IL23R: variants seen among roughly 807,000 people sequenced by gnomAD.
IL23R encodes interleukin 23 receptor.
Under a neutral mutation model 56.9 loss-of-function variants are expected in IL23R, and 34 were observed. The ratio of observed to expected loss-of-function variants is 0.60; its 90% CI spans 0.45 to 0.80. The LOEUF (loss-of-function observed/expected upper bound fraction) is 0.80. Ranked by LOEUF, IL23R falls within the 30% of genes least tolerant of loss-of-function variation. IL23R has a pLI of 0.00. For synonymous variants in IL23R, 230 were observed against 249.2 expected (o/e 0.92, Z 0.73); for missense variants, 635 against 730.0 (o/e 0.87, Z 1.50).
At chr1:67,194,732 C>G (rs1476162642) in intron 4 of IL23R, among the ~76,000 whole-genome samples, 2 of 152,166 alleles carry the variant, frequency 1.3e-5, no homozygotes, top group African/African-American at 2.4e-5. Context: ...GTGGTTTTCT[C>G]TAACTGGAAA....
intron 7 of IL23R, among the ~76,000 whole-genome samples, chr1:67,233,759 T>G (rs1651267186): frequency 6.6e-6 from 1 of 152,082 alleles, no homozygotes. Context: ...CCTGTGAGAT[T>G]AATAGGCATA....
At position 67,259,376 on chromosome 1, in the gene IL23R, A is replaced by T. The variant is rs1460512658; in HGVS notation, c.*248A>T. ...GTAGTGACATTTCTGTGCTCCTACC[A>T]TCACCATGTAAGAATTCCCGGGAGC... On this transcript the variant is annotated 3_prime_UTR_variant, in exon 11 of 11. Transcript: ENST00000347310. 2.0e-6 allele frequency: 1 copy of T among 489,076 alleles called. No individual in the cohort carries two copies. The highest frequency in any genetic ancestry group is 3.5e-5 in the Admixed American group (1 of 28,922). The allele number at this position is 489,076 out of a possible 1,614,324, so 30.3% of individuals were successfully genotyped here.
rs539497366 is a variant in IL23R, at chr1:67,182,855, T to A, written c.387T>A (p.Asp129Glu). ...ISSGYPPDIPDEVTCVIYEYS... is the reference protein window; with the variant it reads ...ISSGYPPDIPEEVTCVIYEYS... ...TTGCAGATCCGCCAGATATTCCTGA[T>A]GAAGTAACCTGTGTCATTTATGAAT... The change falls in exon 4 of 11, where the codon GAT (aspartate) becomes GAA (glutamate). Residue 129 changes from aspartate (D) to glutamate (E), a missense_variant. Physicochemically the swap from Asp to Glu is conservative, Grantham distance 45 (BLOSUM62 2). Coordinates refer to ENST00000347310, the MANE Select transcript of IL23R (RefSeq NM_144701.3). 5.3e-5 allele frequency: 85 copies of A among 1,614,096 alleles called. No homozygotes were observed. The East Asian group carries it at 1.6e-3, about 31-fold the overall frequency.
downstream of IL23R, chr1:67,260,019 G>C (rs1230396335): frequency 6.7e-6 from 1 of 148,828 alleles, no homozygotes; most frequent in Non-Finnish European, 1.5e-5. Flanking sequence ...TGCAAAGGGA[G>C]AGGCAAGTTT....
intron 7 of IL23R, among the ~76,000 whole-genome samples, chr1:67,225,707 G>A (rs1348086352): frequency 4.0e-5 from 6 of 151,714 alleles, no homozygotes; most frequent in South Asian, 2.1e-4. Flanking sequence ...ACAGGGTTTC[G>A]TCATGTTGGC....
At chr1:67,213,659 A>G (rs888415046) in intron 6 of IL23R, among the ~76,000 whole-genome samples, 2 of 152,220 alleles carry the variant, frequency 1.3e-5, no homozygotes, top group African/African-American at 4.8e-5. Context: ...ATAGGTTTGT[A>G]GCCTAGAAGC....
chr1:67,246,275 T>G (rs1652217725), intron 9 of IL23R, among the ~76,000 whole-genome samples: 1 of 152,184 alleles, frequency 6.6e-6, no homozygotes, highest in South Asian at 2.1e-4. Flanking sequence ...CTGGATTCAT[T>G]GATTTTTTTG....
chr1:67,196,272 G>A (rs1483432307), intron 4 of IL23R: 1 of 152,174 alleles, frequency 6.6e-6, no homozygotes, highest in Non-Finnish European at 1.5e-5. Context: ...GGCTGAGCAC[G>A]GTGGCTCATG....
At chr1:67,162,575 T>C (rs1251665343), upstream of IL23R, among the ~76,000 whole-genome samples, 4 of 152,252 alleles carry the variant, frequency 2.6e-5, no homozygotes, top group Admixed American at 1.3e-4. Context: ...CAAATATCCC[T>C]GAATTGGCTA....
At chr1:67,162,196 T>C (rs761342760), upstream of IL23R, among the ~76,000 whole-genome samples, 1 of 150,558 alleles carries the variant, frequency 6.6e-6, no homozygotes, top group Non-Finnish European at 1.5e-5. Flanking sequence ...CCTGGCACGA[T>C]GGCTCACTCC....
In IL23R at chr1:67,190,853, C is replaced by G. The variant is rs143559290; in HGVS notation, c.491+7894C>G. On this transcript the variant is annotated intron_variant, in intron 4 of 10. Transcript: ENST00000347310. ...GAGCCCTTAAATTCAGCGGCCTACT[C>G]TGCTAATTCATAAGGCCTGTTTGTT... Among the ~76,000 whole-genome samples, 73 of 152,314 alleles carry G rather than the reference C, an allele frequency of 4.8e-4. 1 individual carries two copies. Among genetic ancestry groups the G allele is most frequent in the Middle Eastern group, 3.4e-3 (1 of 294 alleles).
At chr1:67,195,935 G>A (rs1018879613) in intron 4 of IL23R, among the ~76,000 whole-genome samples, 4 of 152,172 alleles carry the variant, frequency 2.6e-5, no homozygotes, top group African/African-American at 7.2e-5. Flanking sequence ...GATGTAAGTG[G>A]CTAGCAAGTT....
At chr1:67,230,719 C>G (rs1651043845) in intron 7 of IL23R, among the ~76,000 whole-genome samples, 1 of 152,152 alleles carries the variant, frequency 6.6e-6, no homozygotes. Flanking sequence ...CTAAATGATT[C>G]ATTGCTTGAC....
intron 4 of IL23R, 69 bp downstream of exon 4, chr1:67,183,028 A>G: frequency 6.4e-7 from 1 of 1,565,768 alleles, no homozygotes; most frequent in Non-Finnish European, 8.8e-7. Flanking sequence ...TGCCTCCAGC[A>G]GAGATCCAAG....
Position 67,259,240 on chromosome 1 carries a change from A to T in IL23R, c.*112A>T. ...TTTTGAAAAAAATGTATTCACATAC[A>T]AATCTTCACATGGACACATGTTTTC... On this transcript the variant is annotated 3_prime_UTR_variant, in exon 11 of 11. Transcript: ENST00000347310. 1.0e-6 allele frequency: 1 copy of T among 1,001,218 alleles called. No individual in the cohort carries two copies. Among genetic ancestry groups the T allele is most frequent in the Non-Finnish European group, 1.5e-6 (1 of 646,524 alleles). 62.0% of individuals were successfully genotyped at this position (1,001,218 alleles called of 1,614,324 possible).
At chr1:67,229,761 G>A (rs530825127) in intron 7 of IL23R, among the ~76,000 whole-genome samples, 64 of 152,218 alleles carry the variant, frequency 4.2e-4, no homozygotes, top group African/African-American at 1.4e-3. Context: ...TATGTACTTC[G>A]TAATATTATA....
chr1:67,256,129 A>G (rs1385810235), intron 10 of IL23R, among the ~76,000 whole-genome samples: 3 of 152,262 alleles, frequency 2.0e-5, no homozygotes, highest in Admixed American at 6.5e-5. Flanking sequence ...GAAAGAAAAC[A>G]GAGAAGAAAT....
At chr1:67,177,649 T>A (rs1212605858) in intron 3 of IL23R, among the ~76,000 whole-genome samples, 25 of 151,430 alleles carry the variant, frequency 1.7e-4, no homozygotes, top group Admixed American at 1.6e-3. Flanking sequence ...AATTTTGGCT[T>A]TTGTTGCCAT....
At chr1:67,185,992 C>G (rs1647301015) in intron 4 of IL23R, among the ~76,000 whole-genome samples, 3 of 152,208 alleles carry the variant, frequency 2.0e-5, no homozygotes, top group Admixed American at 1.3e-4. Flanking sequence ...ATTACCTCTC[C>G]AAAGTCACTT....
Sources: allele counts gnomAD v4.1 joint callset (sites outside exome capture counted in the v4.1 genomes callset), GRCh38; gene constraint gnomAD v4.1.1; transcripts MANE v1.5; gene names NCBI Gene and HGNC (gene_info 2026-07-23, HGNC 2026-07-21).